The following EFNA5 variants were observed in gnomAD, a reference collection of about 807,000 sequenced individuals.
The protein encoded by EFNA5 is ephrin A5.
A neutral mutation model predicts 22.9 loss-of-function variants in EFNA5; 5 were observed. The observed-to-expected ratio is 0.22, with a 90% CI of 0.11 to 0.46. The LOEUF (loss-of-function observed/expected upper bound fraction) is 0.46, where lower values mean the gene tolerates loss of function less well. Ranked by LOEUF, EFNA5 falls within the 20% of genes least tolerant of loss-of-function variation. EFNA5 has a pLI of 0.99. For missense variants in EFNA5, 237 were observed against 293.3 expected (o/e 0.81, Z 1.40); for synonymous variants, 113 against 112.2 (o/e 1.01, Z -0.04).
intron 2 of EFNA5, among the ~76,000 whole-genome samples, chr5:107,416,513 G>A (rs1748509739): frequency 6.6e-6 from 1 of 151,976 alleles, no homozygotes; most frequent in African/African-American, 2.4e-5. Flanking sequence ...TCACAGATGA[G>A]GATTCAACAA....
At chr5:107,591,943 TTATATATA>T (rs1237665496) in intron 1 of EFNA5, among the ~76,000 whole-genome samples, 4,708 of 16,978 alleles carry the variant, frequency 0.28, 531 homozygotes, top group South Asian at 0.47. Flanking sequence ...AATATATATA[TTATATATA>T]ATATATAATA....
chr5:107,452,905 A>G (rs1749598149), intron 1 of EFNA5, among the ~76,000 whole-genome samples: 2 of 152,222 alleles, frequency 1.3e-5, no homozygotes, highest in Non-Finnish European at 2.9e-5. Context: ...AAAATATTTC[A>G]GTAAAACACC....
At chr5:107,427,739 C>T (rs1459383493) in intron 1 of EFNA5, among the ~76,000 whole-genome samples, 1 of 152,100 alleles carries the variant, frequency 6.6e-6, no homozygotes, top group Non-Finnish European at 1.5e-5. Context: ...AAATATCCTA[C>T]AAACTAAGTG....
intron 1 of EFNA5, among the ~76,000 whole-genome samples, chr5:107,591,966 TAA>T (rs1749360360): frequency 3.9e-5 from 1 of 25,940 alleles, no homozygotes; most frequent in African/African-American, 2.5e-4. Context: ...ATAATATATA[TAA>T]TATATATAAT....
intron 1 of EFNA5, among the ~76,000 whole-genome samples, chr5:107,515,280 G>A (rs866548092): frequency 8.8e-4 from 133 of 151,296 alleles, no homozygotes; most frequent in Middle Eastern, 3.5e-3. Context: ...CAAGTGATCC[G>A]CCTGCCTCAG....
At chr5:107,573,240 T>C (rs2112488478) in intron 1 of EFNA5, among the ~76,000 whole-genome samples, 1 of 152,182 alleles carries the variant, frequency 6.6e-6, no homozygotes, top group Non-Finnish European at 1.5e-5. Context: ...AGGCAAGGCA[T>C]CTAGGCGTGA....
At chr5:107,497,127 G>A (rs1193680363) in intron 1 of EFNA5, among the ~76,000 whole-genome samples, 2 of 152,184 alleles carry the variant, frequency 1.3e-5, no homozygotes, top group Non-Finnish European at 2.9e-5. Context: ...CCATGGTATC[G>A]CGAGCAAAGC....
chr5:107,542,961 A>G (rs952624166), intron 1 of EFNA5, among the ~76,000 whole-genome samples: 7 of 152,314 alleles, frequency 4.6e-5, no homozygotes, highest in African/African-American at 9.6e-5. Flanking sequence ...TCATAAAATA[A>G]AAGTGTTATA....
In EFNA5 at chr5:107,395,034, C is replaced by CTTTTTTTT. The variant is rs58619326; in HGVS notation, c.419-7271_419-7264dup. On this transcript the variant is annotated intron_variant, in intron 2 of 4. Coordinates refer to ENST00000333274, the MANE Select transcript of EFNA5 (RefSeq NM_001962.3). ...CCCCTTATAAGAAGGATTTCTAGTT[C>CTTTTTTTT]TTTTTTTTTTTTTTTTTTCCGCGAG... Among the ~76,000 whole-genome samples the CTTTTTTTT allele has an allele frequency of 2.4e-4, 21 of 86,132 alleles. 7 individuals are homozygous for CTTTTTTTT. Among genetic ancestry groups the CTTTTTTTT allele is most frequent in the Non-Finnish European group, 3.1e-4 (14 of 45,640 alleles). The allele number at this position is 86,132 out of a possible 152,430, so 56.5% of individuals were successfully genotyped here. A position where few individuals can be genotyped will look rare whatever the true frequency, so the allele number is the denominator to read the frequency against.
At chr5:107,591,629 T>C (rs913767621) in intron 1 of EFNA5, among the ~76,000 whole-genome samples, 1 of 150,498 alleles carries the variant, frequency 6.6e-6, no homozygotes, top group African/African-American at 2.5e-5. Flanking sequence ...GAGACCAGCC[T>C]GGCCAACATG....
chr5:107,584,885 G>C (rs1379358149), intron 1 of EFNA5, among the ~76,000 whole-genome samples: 4 of 152,214 alleles, frequency 2.6e-5, no homozygotes, highest in African/African-American at 9.6e-5. Context: ...CAGTAATTGA[G>C]GCAAGGGCAG....
intron 2 of EFNA5, among the ~76,000 whole-genome samples, chr5:107,423,290 T>C (rs1748718945): frequency 1.3e-5 from 2 of 152,146 alleles, no homozygotes; most frequent in Non-Finnish European, 2.9e-5. Flanking sequence ...TTAAAAGGAT[T>C]TCCCTTTACC....
rs1561447614 is a variant in EFNA5 at position 107,606,568 on chromosome 5, CA to C, written c.125+63920del. 1.4e-3 allele frequency among the ~76,000 whole-genome samples: 211 copies of C among 149,968 alleles called. 2 individuals carry two copies. The highest frequency in any genetic ancestry group is 2.0e-3 in the Non-Finnish European group (135 of 67,412). On this transcript the variant is annotated intron_variant, in intron 1 of 4. Coordinates refer to ENST00000333274, the MANE Select transcript of EFNA5 (RefSeq NM_001962.3). ...ACACACACACACACACACACACACACACACACACACACACAGAGCTAGTAAT... is the reference window on the plus strand; with the variant it reads ...ACACACACACACACACACACACACACCACACACACACACAGAGCTAGTAAT...
intron 2 of EFNA5, among the ~76,000 whole-genome samples, chr5:107,409,046 C>T (rs1447968968): frequency 6.6e-6 from 1 of 152,192 alleles, no homozygotes. Context: ...AACACAAAGA[C>T]ATTAAAATCT....
chr5:107,548,193 C>G (rs771442479), intron 1 of EFNA5, among the ~76,000 whole-genome samples: 24 of 152,174 alleles, frequency 1.6e-4, no homozygotes, highest in Admixed American at 1.5e-3. Flanking sequence ...CAAAATTAAA[C>G]TTCAGAATCC....
intron 1 of EFNA5, among the ~76,000 whole-genome samples, chr5:107,612,802 T>A (rs956633497): frequency 1.3e-5 from 2 of 151,896 alleles, no homozygotes; most frequent in African/African-American, 4.8e-5. Flanking sequence ...TGGAACAGAG[T>A]CACTATGAGA....
intron 2 of EFNA5, among the ~76,000 whole-genome samples, chr5:107,421,587 G>C (rs902816436): frequency 1.3e-5 from 2 of 152,092 alleles, no homozygotes. Flanking sequence ...GTATCCTTTG[G>C]AGAGGAAAAA....
intron 1 of EFNA5, among the ~76,000 whole-genome samples, chr5:107,510,786 A>T (rs560784497): frequency 9.9e-5 from 15 of 152,278 alleles, no homozygotes; most frequent in Non-Finnish European, 2.2e-4. Flanking sequence ...GTCTCAAAAA[A>T]GTTGTGATCA....
intron 1 of EFNA5, among the ~76,000 whole-genome samples, chr5:107,453,062 C>A (rs1013539937): frequency 2.6e-5 from 4 of 152,174 alleles, no homozygotes; most frequent in African/African-American, 9.6e-5. Context: ...GATCTTCTGG[C>A]TTCTTTCTAA....
Sources: allele counts gnomAD v4.1 joint callset (sites outside exome capture counted in the v4.1 genomes callset), GRCh38; gene constraint gnomAD v4.1.1; transcripts MANE v1.5; gene names NCBI Gene and HGNC (gene_info 2026-07-23, HGNC 2026-07-21).